Variants in MAPRE2 observed in about 807,000 individuals in gnomAD.
The protein encoded by MAPRE2 is microtubule associated protein RP/EB family member 2.
In MAPRE2, 13 loss-of-function variants were observed where a neutral mutation model predicts 43.2. The observed-to-expected ratio is 0.30, with a 90% CI of 0.20 to 0.48. The LOEUF is 0.48. MAPRE2 is among the 20% of genes least tolerant of loss of function. The pLI is 0.99. For synonymous variants in MAPRE2, 135 were observed against 148.8 expected, an observed-to-expected ratio of 0.91 and a Z score of 0.68; for missense variants, 161 against 400.2, an observed-to-expected ratio of 0.40 and a Z score of 5.10.
At chr18:35,024,583 T>A (rs569396378) in intron 2 of MAPRE2, among the ~76,000 whole-genome samples, 1 of 152,348 alleles carries the variant, frequency 6.6e-6, no homozygotes, top group South Asian at 2.1e-4. Context: ...TACGAGTATC[T>A]GCAGATCAGG....
chr18:35,133,046 G>C (rs533925230), intron 6 of MAPRE2, among the ~76,000 whole-genome samples: 115 of 152,194 alleles, frequency 7.6e-4, no homozygotes, highest in African/African-American at 2.6e-3. Flanking sequence ...CCGGTCTCTG[G>C]GTGTTCTGAG....
rs575203132 is a variant in MAPRE2 at position 35,143,234 on chromosome 18, T to G, written c.*2865T>G. 2 of 152,232 alleles carry G rather than the reference T, an allele frequency of 1.3e-5. No homozygotes were observed. The highest frequency in any genetic ancestry group is 4.1e-4 in the South Asian group (2 of 4,826). The allele number at this position is 152,232 out of a possible 1,614,324, so 9.4% of individuals were successfully genotyped here. A position where few individuals can be genotyped will look rare whatever the true frequency, so the allele number is the denominator to read the frequency against. On this transcript the variant is annotated 3_prime_UTR_variant, in exon 7 of 7. Transcript: ENST00000300249. ...TTTACTAAATAGGACACCATAAAGC[T>G]TTTGTTATATATTAAATGTAAACTG...
intron 2 of MAPRE2, among the ~76,000 whole-genome samples, chr18:35,017,028 G>A (rs557197877): frequency 6.6e-6 from 1 of 152,012 alleles, no homozygotes; most frequent in South Asian, 2.1e-4. Flanking sequence ...TGGCTAGCTA[G>A]CTATCTCAGT....
rs143785122 is a variant in MAPRE2 at position 35,070,685 on chromosome 18, C to T, written c.250+363C>T. ...CTCCTTTAAAACCTCTAGGGCTCCA[C>T]GTTGTCCTCACTACAGGATAAACTT... On this transcript the variant is annotated intron_variant, in intron 2 of 6. Transcript: ENST00000300249. The T allele has an allele frequency of 4.2e-3, 669 of 160,368 alleles. 4 individuals are homozygous for T. Among genetic ancestry groups the T allele is most frequent in the African/African-American group, 0.014 (601 of 41,784 alleles). 9.9% of individuals were successfully genotyped at this position (160,368 alleles called of 1,614,324 possible).
chr18:35,057,185 T>C (rs1906274503), intron 1 of MAPRE2, among the ~76,000 whole-genome samples: 1 of 152,164 alleles, frequency 6.6e-6, no homozygotes, highest in Non-Finnish European at 1.5e-5. Context: ...TGGCTCATTT[T>C]TGTATTTTTA....
chr18:35,042,037 A>G (rs893467792), intron 1 of MAPRE2, among the ~76,000 whole-genome samples: 7 of 152,328 alleles, frequency 4.6e-5, no homozygotes, highest in Middle Eastern at 3.4e-3. Context: ...GCCAAAAGGC[A>G]GAAAACGGGA....
At chr18:35,134,564 C>T (rs139898920) in intron 6 of MAPRE2, among the ~76,000 whole-genome samples, 3 of 152,326 alleles carry the variant, frequency 2.0e-5, no homozygotes, top group South Asian at 2.1e-4. Flanking sequence ...TTACCTCCCT[C>T]GCCGAGTGGT....
At chr18:35,055,329 G>A (rs952642477) in intron 1 of MAPRE2, among the ~76,000 whole-genome samples, 5 of 152,066 alleles carry the variant, frequency 3.3e-5, no homozygotes, top group Non-Finnish European at 5.9e-5. Flanking sequence ...GCTTCATCAC[G>A]CCCATCTCTG....
intron 1 of MAPRE2, among the ~76,000 whole-genome samples, chr18:34,990,962 C>T (rs1158430490): frequency 6.6e-6 from 1 of 152,148 alleles, no homozygotes; most frequent in African/African-American, 2.4e-5. Flanking sequence ...GTTTTGTGAA[C>T]TTGGGGACAG....
At chr18:34,996,333 A>C (rs907125952) in intron 1 of MAPRE2, among the ~76,000 whole-genome samples, 1 of 152,152 alleles carries the variant, frequency 6.6e-6, no homozygotes, top group Admixed American at 6.5e-5. Context: ...ATCATCAAGC[A>C]TTAGATTTTC....
At chr18:35,044,982 G>T (rs1905548686) in intron 1 of MAPRE2, among the ~76,000 whole-genome samples, 1 of 152,176 alleles carries the variant, frequency 6.6e-6, no homozygotes. Flanking sequence ...CTTGCACCTT[G>T]ATTAGAAAAG....
At chr18:35,076,477 A>G (rs1043830244) in intron 2 of MAPRE2, among the ~76,000 whole-genome samples, 11 of 152,198 alleles carry the variant, frequency 7.2e-5, no homozygotes, top group African/African-American at 2.7e-4. Context: ...GAAACACCTC[A>G]GAAATGTCCC....
chr18:34,983,232 A>G (rs1248416737), intron 1 of MAPRE2, among the ~76,000 whole-genome samples: 1 of 152,254 alleles, frequency 6.6e-6, no homozygotes, highest in African/African-American at 2.4e-5. Context: ...TAAAAATAAA[A>G]GATAGTTTAT....
At chr18:35,006,417 C>T (rs1387150418) in intron 2 of MAPRE2, among the ~76,000 whole-genome samples, 1 of 152,150 alleles carries the variant, frequency 6.6e-6, no homozygotes, top group Non-Finnish European at 1.5e-5. Context: ...TTAGAAACCT[C>T]ATTCTTGAAT....
At chr18:35,066,164 T>G (rs1287334672) in intron 1 of MAPRE2, among the ~76,000 whole-genome samples, 1 of 152,242 alleles carries the variant, frequency 6.6e-6, no homozygotes, top group African/African-American at 2.4e-5. Flanking sequence ...CTCCATGAAT[T>G]AAAAATTAGC....
chr18:35,058,946 A>T (rs908510069), intron 1 of MAPRE2, among the ~76,000 whole-genome samples: 2 of 152,178 alleles, frequency 1.3e-5, no homozygotes, highest in African/African-American at 2.4e-5. Flanking sequence ...TTTGCCACTT[A>T]ATAATGGTGA....
chr18:35,005,138 T>C (rs185957373), intron 1 of MAPRE2, among the ~76,000 whole-genome samples: 113 of 152,270 alleles, frequency 7.4e-4, no homozygotes, highest in Middle Eastern at 3.4e-3. Context: ...GAGGCACTGC[T>C]CCTTGGGGTT....
chr18:35,106,936 A>G (rs1376268625), intron 4 of MAPRE2, among the ~76,000 whole-genome samples: 2 of 152,216 alleles, frequency 1.3e-5, no homozygotes, highest in Non-Finnish European at 2.9e-5. Flanking sequence ...GCTATGAGCC[A>G]TATCTGCAAC....
chr18:35,011,705 A>G (rs1414310785), intron 2 of MAPRE2, among the ~76,000 whole-genome samples: 1 of 151,640 alleles, frequency 6.6e-6, no homozygotes, highest in Non-Finnish European at 1.5e-5. Context: ...GTAGAGGTTA[A>G]TGGGTGGATT....
Sources: allele counts gnomAD v4.1 joint callset (sites outside exome capture counted in the v4.1 genomes callset), GRCh38; gene constraint gnomAD v4.1.1; transcripts MANE v1.5; gene names NCBI Gene and HGNC (gene_info 2026-07-23, HGNC 2026-07-21).